TNR: variants seen among roughly 807,000 people sequenced by gnomAD.
The protein encoded by TNR is tenascin-R.
TNR carries 45 observed loss-of-function variants against 150.4 expected under a neutral mutation model. That is an observed-to-expected ratio of 0.30 (90% CI 0.24 to 0.38). The LOEUF (loss-of-function observed/expected upper bound fraction) is 0.38. Among genes scored for constraint, TNR ranks in the 10% least tolerant of loss-of-function variants. The pLI, the probability that TNR is intolerant of heterozygous loss-of-function variation, is 1.00. For synonymous variants in TNR, 687 were observed against 678.4 expected (o/e 1.01, Z -0.20); for missense variants, 1,544 against 1,759.1 (o/e 0.88, Z 2.19).
chr1:175,377,459 GTTTTTTT>G (rs60693271), intron 9 of TNR, among the ~76,000 whole-genome samples: 1 of 121,138 alleles, frequency 8.3e-6, no homozygotes, highest in East Asian at 2.5e-4. Context: ...TCATTTCAGG[GTTTTTTT>G]TTTTTTTTTT....
chr1:175,406,902 G>A (rs977615983), intron 2 of TNR, 125 bp from the exon 3 acceptor site: 7 of 682,562 alleles, frequency 1.0e-5, no homozygotes, highest in Non-Finnish European at 1.7e-5. Context: ...CGTCAGGAAG[G>A]GACAGTGGCT....
chr1:175,473,339 C>CTGG (rs1418877240), intron 2 of TNR, among the ~76,000 whole-genome samples: 2 of 152,162 alleles, frequency 1.3e-5, no homozygotes, highest in Non-Finnish European at 2.9e-5. Flanking sequence ...ATGCTCATCA[C>CTGG]CAGCAGCCCC....
At chr1:175,514,616 C>T (rs756920590) in intron 2 of TNR, among the ~76,000 whole-genome samples, 4 of 152,102 alleles carry the variant, frequency 2.6e-5, no homozygotes, top group African/African-American at 7.2e-5. Context: ...TTGGTAAAAA[C>T]GTAGTGTACC....
chr1:175,606,000 G>C (rs1291656234), intron 1 of TNR, among the ~76,000 whole-genome samples: 4 of 151,682 alleles, frequency 2.6e-5, no homozygotes, highest in Non-Finnish European at 4.4e-5. Context: ...ACAAAGCTGA[G>C]GGAAAGAAAA....
chr1:175,618,307 C>T (rs1485182607), intron 1 of TNR, among the ~76,000 whole-genome samples: 1 of 152,166 alleles, frequency 6.6e-6, no homozygotes, highest in Non-Finnish European at 1.5e-5. Flanking sequence ...GTGATTATAT[C>T]TCTGGCCCTG....
chr1:175,474,051 A>G (rs1315459788), intron 2 of TNR, among the ~76,000 whole-genome samples: 1 of 152,134 alleles, frequency 6.6e-6, no homozygotes, highest in Non-Finnish European at 1.5e-5. Context: ...GATCCATGTT[A>G]CTGGCGGATA....
rs570491776 is a variant in TNR, at chr1:175,594,089, T to G, written c.-164-65720A>C. ...TCCCATTTCCTAGTGGGCATTTTGTTATCTTCCCAGAGTTCCTTAAGCCCC... is the reference window on the plus strand; with the variant it reads ...TCCCATTTCCTAGTGGGCATTTTGTGATCTTCCCAGAGTTCCTTAAGCCCC... On this transcript the variant is annotated intron_variant, in intron 1 of 22. Coordinates refer to ENST00000367674, the MANE Select transcript of TNR (RefSeq NM_003285.3). 7.2e-5 allele frequency among the ~76,000 whole-genome samples: 11 copies of G among 152,324 alleles called. No homozygotes were observed. The South Asian group carries it at 2.3e-3, about 32-fold the overall frequency.
At chr1:175,579,761 AG>A in intron 1 of TNR, among the ~76,000 whole-genome samples, 1 of 151,522 alleles carries the variant, frequency 6.6e-6, no homozygotes, top group Non-Finnish European at 1.5e-5. Flanking sequence ...TAGAGGGGAG[AG>A]GGTCAGCAGC....
intron 8 of TNR, among the ~76,000 whole-genome samples, chr1:175,380,192 T>C (rs1168185108): frequency 6.6e-6 from 1 of 152,216 alleles, no homozygotes. Flanking sequence ...CTGTGTTTAC[T>C]TGAATAAACA....
rs1352563986 is a variant in TNR, at chr1:175,363,746, G to T, written c.2669C>A (p.Ser890Tyr). The T allele has an allele frequency of 5.6e-6, 9 of 1,613,940 alleles. No homozygotes were observed. Among genetic ancestry groups the T allele is most frequent in the Non-Finnish European group, 7.6e-6 (9 of 1,179,862 alleles). ...VMVSWSPPVA[S>Y]FDYYRVSYRP... ...ATATGATACTCGGTAGTAATCGAAA[G>T]ATGCAACAGGAGGGCTCCAGGAGAC... Residue 890 changes from serine (S) to tyrosine (Y), a missense_variant, in exon 13 of 23, where the codon TCT becomes TAT. Physicochemically the swap from Ser to Tyr is moderately radical, Grantham distance 144. Around this residue, in one of 2 missense-constraint regions of TNR, gnomAD observed 1,254 missense variants for 1,329.4 expected, o/e 0.94. Transcript: ENST00000367674.
chr1:175,620,940 C>T (rs1270572563), intron 1 of TNR, among the ~76,000 whole-genome samples: 6 of 152,310 alleles, frequency 3.9e-5, no homozygotes, highest in Non-Finnish European at 1.5e-5. Context: ...TGGCCCCTGA[C>T]CCACAGGCAT....
intron 2 of TNR, among the ~76,000 whole-genome samples, chr1:175,457,925 G>A (rs905295859): frequency 3.9e-5 from 6 of 152,196 alleles, no homozygotes; most frequent in Non-Finnish European, 5.9e-5. Flanking sequence ...ACTGGCAAAC[G>A]CCAGAGTTGT....
intron 4 of TNR, among the ~76,000 whole-genome samples, chr1:175,401,421 G>A (rs2102043585): frequency 6.6e-6 from 1 of 152,224 alleles, no homozygotes; most frequent in East Asian, 1.9e-4. Flanking sequence ...TGGCTTCCCA[G>A]AAGGTGCCTA....
In TNR at chr1:175,403,276, G is replaced by A; in HGVS notation, c.840C>T (p.Thr280=). 6.2e-7 allele frequency: 1 copy of A among 1,614,106 alleles called. No homozygotes were observed. Among genetic ancestry groups the A allele is most frequent in the Non-Finnish European group, 8.5e-7 (1 of 1,180,020 alleles). ...CAACGTAGCCCTCCTCGCATAAACA[G>A]GTACCGTTGGCACATCTCCCCTTCC... ...CSGKGRCANG[T]CLCEEGYVGE... Residue 280 remains threonine, a synonymous_variant, in exon 4 of 23, where the codon ACC becomes ACT. Transcript: ENST00000367674.
At chr1:175,407,665 C>T (rs549833954) in intron 2 of TNR, among the ~76,000 whole-genome samples, 24 of 152,270 alleles carry the variant, frequency 1.6e-4, no homozygotes, top group South Asian at 1.4e-3. Context: ...TGTGACTATT[C>T]GTCGGAGAAG....
At chr1:175,632,246 G>T (rs1664349352) in intron 1 of TNR, among the ~76,000 whole-genome samples, 2 of 152,176 alleles carry the variant, frequency 1.3e-5, no homozygotes, top group Non-Finnish European at 2.9e-5. Context: ...AAAGTACTTG[G>T]CAAATGTGAT....
chr1:175,646,739 T>C (rs1443701135), intron 1 of TNR, among the ~76,000 whole-genome samples: 2 of 152,234 alleles, frequency 1.3e-5, no homozygotes, highest in African/African-American at 2.4e-5. Flanking sequence ...GACTAGTCCC[T>C]GCTCCTTAGT....
chr1:175,615,089 T>C (rs1054329451), intron 1 of TNR, among the ~76,000 whole-genome samples: 2 of 152,182 alleles, frequency 1.3e-5, no homozygotes, highest in Non-Finnish European at 2.9e-5. Flanking sequence ...ATGGCTCAGT[T>C]ACATTAGTGG....
chr1:175,697,456 T>C lies in TNR; in HGVS notation c.-165+45770A>G, dbSNP rs538182158. ...AATGTCACTGTTCTGAATACAGAAA[T>C]ACATCATCACTTGTTTTCCCTTAAG... On this transcript the variant is annotated intron_variant, in intron 1 of 22. Transcript: ENST00000367674. Among the ~76,000 whole-genome samples, 4 of 151,964 alleles carry C rather than the reference T, an allele frequency of 2.6e-5. No individual in the cohort carries two copies. The South Asian group carries it at 6.2e-4, about 24-fold the overall frequency.
Sources: allele counts gnomAD v4.1 joint callset (sites outside exome capture counted in the v4.1 genomes callset), GRCh38; gene constraint gnomAD v4.1.1; regional missense constraint gnomAD v4.1.1; transcripts MANE v1.5; gene names NCBI Gene and HGNC (gene_info 2026-07-23, HGNC 2026-07-21).